The following ZFHX3 variants were observed in gnomAD, a reference collection of about 807,000 sequenced individuals.
ZFHX3 encodes zinc finger homeobox protein 3.
ZFHX3 carries 42 observed loss-of-function variants against 279.1 expected under a neutral mutation model. The ratio of observed to expected loss-of-function variants is 0.15; its 90% CI spans 0.12 to 0.19. The LOEUF (loss-of-function observed/expected upper bound fraction) is 0.19. Among genes scored for constraint, ZFHX3 ranks in the 10% least tolerant of loss-of-function variants. The pLI, the probability that ZFHX3 is intolerant of heterozygous loss-of-function variation, is 1.00. For synonymous variants in ZFHX3, 2,293 were observed against 1,957.8 expected, an observed-to-expected ratio of 1.17 and a Z score of -4.52; for missense variants, 4,981 against 4,754.0, an observed-to-expected ratio of 1.05 and a Z score of -1.40.
At chr16:73,422,982 G>A (rs1481375693) in intron 3 of ZFHX3, among the ~76,000 whole-genome samples, 6 of 152,174 alleles carry the variant, frequency 3.9e-5, no homozygotes, top group Non-Finnish European at 7.3e-5. Flanking sequence ...CTCCTTGGCT[G>A]TCTTCTCATT....
At chr16:73,417,845 C>T (rs1290002642) in intron 3 of ZFHX3, among the ~76,000 whole-genome samples, 2 of 150,912 alleles carry the variant, frequency 1.3e-5, no homozygotes, top group East Asian at 1.9e-4. Flanking sequence ...AAAAATTAGC[C>T]GGGCATGGTG....
intron 5 of ZFHX3, among the ~76,000 whole-genome samples, chr16:73,160,772 CTTTTTTTTTT>C (rs200196890): frequency 2.1e-4 from 27 of 127,970 alleles, no homozygotes; most frequent in African/African-American, 5.6e-4. Context: ...CTTTTCTCTT[CTTTTTTTTTT>C]TTTTTTTTTA....
Position 73,710,609 on chromosome 16 carries a change from TAG to T in ZFHX3, c.-1607-30371_-1607-30370del, listed in dbSNP as rs149981051. 4.3e-3 allele frequency among the ~76,000 whole-genome samples: 653 copies of T among 152,222 alleles called. 4 individuals are homozygous for T. Among genetic ancestry groups the T allele is most frequent in the African/African-American group, 0.015 (604 of 41,528 alleles). On this transcript the variant is annotated intron_variant, in intron 1 of 17. Transcript: ENST00000641206. The stretch of plus-strand genomic sequence containing the variant: ...CAGTTCTCTGAACCTCCATGGAATG[TAG>T]AGAGAGACCCACACCTGGCTTCCCA...
chr16:73,527,050 C>T (rs1199478335), intron 2 of ZFHX3, among the ~76,000 whole-genome samples: 2 of 152,036 alleles, frequency 1.3e-5, no homozygotes, highest in Non-Finnish European at 2.9e-5. Context: ...TCAAGAAGGG[C>T]TTTTTCCTTT....
intron 2 of ZFHX3, among the ~76,000 whole-genome samples, chr16:73,541,079 A>G (rs1190206464): frequency 6.6e-6 from 1 of 152,128 alleles, no homozygotes; most frequent in East Asian, 1.9e-4. Context: ...CCTGACCCAG[A>G]GCCTCATTCT....
intron 3 of ZFHX3, among the ~76,000 whole-genome samples, chr16:73,334,327 C>T (rs1181874086): frequency 6.6e-6 from 1 of 152,086 alleles, no homozygotes; most frequent in Non-Finnish European, 1.5e-5. Context: ...GGCAAGAGGA[C>T]AGACTGCAGG....
At chr16:73,605,221 T>C (rs1173387445) in intron 2 of ZFHX3, among the ~76,000 whole-genome samples, 1 of 152,220 alleles carries the variant, frequency 6.6e-6, no homozygotes, top group Admixed American at 6.5e-5. Flanking sequence ...CACTGTCTCC[T>C]CTGGTGTCTT....
chr16:73,040,272 G>C (rs1965063536), intron 1 of ZFHX3, among the ~76,000 whole-genome samples: 2 of 152,088 alleles, frequency 1.3e-5, no homozygotes, highest in Non-Finnish European at 2.9e-5. Flanking sequence ...ACAGGGCAAG[G>C]GACAGGCGAG....
chr16:72,885,420 G>A (rs1228569105), intron 4 of ZFHX3, among the ~76,000 whole-genome samples: 1 of 152,240 alleles, frequency 6.6e-6, no homozygotes, highest in Non-Finnish European at 1.5e-5. Context: ...GGAGACCTTT[G>A]CAATTTCTTC....
intron 3 of ZFHX3, among the ~76,000 whole-genome samples, chr16:72,908,475 T>C (rs2039240104): frequency 6.6e-6 from 1 of 152,230 alleles, no homozygotes; most frequent in Non-Finnish European, 1.5e-5. Flanking sequence ...ACGCCTCCCC[T>C]GCCATCTGAT....
chr16:73,042,677 G>A (rs1289662993), intron 1 of ZFHX3, among the ~76,000 whole-genome samples: 1 of 152,048 alleles, frequency 6.6e-6, no homozygotes, highest in Non-Finnish European at 1.5e-5. Flanking sequence ...CGGGCGAGGG[G>A]TCTCACTCCC....
chr16:73,326,265 A>G (rs1325892717), intron 3 of ZFHX3, among the ~76,000 whole-genome samples: 1 of 152,242 alleles, frequency 6.6e-6, no homozygotes, highest in African/African-American at 2.4e-5. Flanking sequence ...GAAATCTGGA[A>G]GGCAGCTAAA....
intron 2 of ZFHX3, among the ~76,000 whole-genome samples, chr16:73,494,267 C>A (rs375807051): frequency 2.0e-5 from 3 of 152,054 alleles, no homozygotes; most frequent in African/African-American, 7.3e-5. Flanking sequence ...AGCTGGTTTA[C>A]GTAAAGCAAA....
At chr16:73,758,489 G>A (rs1276016835) in intron 1 of ZFHX3, among the ~76,000 whole-genome samples, 1 of 152,260 alleles carries the variant, frequency 6.6e-6, no homozygotes, top group South Asian at 2.1e-4. Context: ...CTGATAACAG[G>A]GTGGCTCATA....
intron 5 of ZFHX3, among the ~76,000 whole-genome samples, chr16:73,212,820 T>G (rs2012067875): frequency 6.6e-6 from 1 of 152,238 alleles, no homozygotes. Flanking sequence ...AGGGTCACCC[T>G]CTATCAGCTG....
At chr16:72,884,795 G>A (rs911822955) in intron 4 of ZFHX3, among the ~76,000 whole-genome samples, 1 of 152,170 alleles carries the variant, frequency 6.6e-6, no homozygotes. Context: ...ACCCACCTCT[G>A]AGAGCTCTCC....
At chr16:73,494,983 G>C (rs142549802) in intron 2 of ZFHX3, among the ~76,000 whole-genome samples, 1 of 152,152 alleles carries the variant, frequency 6.6e-6, no homozygotes, top group Non-Finnish European at 1.5e-5. Context: ...CACTCGCCTT[G>C]TTTCTCTTTT....
chr16:72,910,630 A>G (rs1175143734), intron 3 of ZFHX3, among the ~76,000 whole-genome samples: 1 of 152,204 alleles, frequency 6.6e-6, no homozygotes, highest in Non-Finnish European at 1.5e-5. Context: ...TTTAATGGAC[A>G]CAGGAGAGAG....
chr16:73,800,732 G>C (rs1423438173), intron 1 of ZFHX3, among the ~76,000 whole-genome samples: 1 of 152,188 alleles, frequency 6.6e-6, no homozygotes, highest in African/African-American at 2.4e-5. Flanking sequence ...CTTTTGAGCT[G>C]CCCAACTCCA....
Sources: allele counts gnomAD v4.1 joint callset (sites outside exome capture counted in the v4.1 genomes callset), GRCh38; gene constraint gnomAD v4.1.1; transcripts MANE v1.5; gene names NCBI Gene and HGNC (gene_info 2026-07-23, HGNC 2026-07-21).